Variants in EXOC4 observed in about 807,000 individuals in gnomAD.
The protein encoded by EXOC4 is exocyst complex component 4.
In EXOC4, 71 loss-of-function variants were observed where a neutral mutation model predicts 107.2. The observed-to-expected ratio is 0.66, with a 90% CI of 0.55 to 0.81. The LOEUF is 0.81. EXOC4 is among the 30% of genes least tolerant of loss of function. EXOC4 has a pLI of 0.00. For missense variants in EXOC4, 1,108 were observed against 1,189.6 expected, an observed-to-expected ratio of 0.93 and a Z score of 1.01; for synonymous variants, 456 against 441.2, an observed-to-expected ratio of 1.03 and a Z score of -0.42.
intron 9 of EXOC4, among the ~76,000 whole-genome samples, chr7:133,509,276 A>C (rs1159276465): frequency 6.6e-6 from 1 of 152,044 alleles, no homozygotes; most frequent in South Asian, 2.1e-4. Context: ...AAAATACAAA[A>C]AATTAGCCGG....
chr7:133,946,028 G>A (rs74378966), intron 14 of EXOC4, among the ~76,000 whole-genome samples: 2,455 of 152,224 alleles, frequency 0.016, 73 homozygotes, highest in African/African-American at 0.055. Flanking sequence ...AACTCTATGC[G>A]TGGTAATTCC....
At chr7:133,440,584 A>C (rs1346499829) in intron 7 of EXOC4, among the ~76,000 whole-genome samples, 2 of 152,188 alleles carry the variant, frequency 1.3e-5, no homozygotes, top group Non-Finnish European at 2.9e-5. Context: ...ATCAGAGGTC[A>C]GCACAAGATA....
chr7:133,876,141 T>C (rs2116419846), intron 11 of EXOC4, among the ~76,000 whole-genome samples: 1 of 152,264 alleles, frequency 6.6e-6, no homozygotes, highest in Middle Eastern at 3.4e-3. Flanking sequence ...ATATGGCTTC[T>C]TGCTATTAAT....
intron 11 of EXOC4, among the ~76,000 whole-genome samples, chr7:133,865,640 A>G (rs993562620): frequency 5.9e-5 from 9 of 152,204 alleles, no homozygotes; most frequent in African/African-American, 2.2e-4. Context: ...TACAGGAAGC[A>G]TGTCTGGGAG....
intron 5 of EXOC4, among the ~76,000 whole-genome samples, chr7:133,346,993 T>A (rs946344801): frequency 6.6e-6 from 1 of 152,154 alleles, no homozygotes; most frequent in Non-Finnish European, 1.5e-5. Flanking sequence ...GTATGTGTGG[T>A]ATGGCATATA....
At chr7:133,709,209 G>T (rs1359715297) in intron 10 of EXOC4, among the ~76,000 whole-genome samples, 1 of 152,200 alleles carries the variant, frequency 6.6e-6, no homozygotes, top group Non-Finnish European at 1.5e-5. Context: ...TTATCACTAG[G>T]CTGTGTCTGC....
the EXOC4 span, among the ~76,000 whole-genome samples, chr7:134,085,110 T>C: frequency 6.6e-6 from 1 of 152,164 alleles, no homozygotes; most frequent in African/African-American, 2.4e-5. Context: ...AATTAGGTTT[T>C]TAATCTTGTC....
intron 10 of EXOC4, among the ~76,000 whole-genome samples, chr7:133,704,199 C>T (rs773608025): frequency 6.6e-6 from 1 of 152,204 alleles, no homozygotes; most frequent in Admixed American, 6.5e-5. Context: ...GTGATCCTCC[C>T]GTCTTCTCCC....
At chr7:133,969,066 C>G (rs1801140007) in intron 14 of EXOC4, among the ~76,000 whole-genome samples, 1 of 152,102 alleles carries the variant, frequency 6.6e-6, no homozygotes, top group Non-Finnish European at 1.5e-5. Flanking sequence ...CTAATCTTGG[C>G]TTCACGCTTT....
At chr7:133,264,323 A>G (rs987317658) in intron 1 of EXOC4, among the ~76,000 whole-genome samples, 5 of 152,234 alleles carry the variant, frequency 3.3e-5, no homozygotes, top group African/African-American at 9.6e-5. Context: ...CAAGACACCA[A>G]TGAATTTTCA....
At chr7:133,709,934 G>C (rs1057342887) in intron 10 of EXOC4, among the ~76,000 whole-genome samples, 2 of 152,042 alleles carry the variant, frequency 1.3e-5, no homozygotes, top group Non-Finnish European at 2.9e-5. Context: ...TATTGCTGTA[G>C]TTATTATTAC....
chr7:133,568,151 C>G (rs1271566732), intron 9 of EXOC4, among the ~76,000 whole-genome samples: 1 of 152,010 alleles, frequency 6.6e-6, no homozygotes, highest in Admixed American at 6.6e-5. Flanking sequence ...TATTGAAGAA[C>G]TTTTTATATT....
chr7:133,464,481 C>G (rs1185707799), intron 7 of EXOC4, among the ~76,000 whole-genome samples: 6 of 152,102 alleles, frequency 3.9e-5, no homozygotes, highest in African/African-American at 1.4e-4. Context: ...ATGTGCAGAC[C>G]AGTCTTCCCA....
chr7:133,530,867 G>C (rs1800169211), intron 9 of EXOC4, among the ~76,000 whole-genome samples: 1 of 152,188 alleles, frequency 6.6e-6, no homozygotes, highest in Non-Finnish European at 1.5e-5. Flanking sequence ...TTCATGCCAA[G>C]GCATCTGTGA....
At chr7:133,429,612 C>T (rs905574619) in intron 7 of EXOC4, among the ~76,000 whole-genome samples, 1 of 152,206 alleles carries the variant, frequency 6.6e-6, no homozygotes, top group Non-Finnish European at 1.5e-5. Context: ...ACTCCCATTC[C>T]TGCTTCTCTT....
rs569965460 is a variant in EXOC4 at position 133,955,744 on chromosome 7, C to T, written c.2206+17675C>T. 4.6e-5 allele frequency among the ~76,000 whole-genome samples: 7 copies of T among 152,376 alleles called. No individual in the cohort carries two copies. In the South Asian group the frequency reaches 1.5e-3, roughly 32 times the overall value. The stretch of plus-strand genomic sequence containing the variant: ...CTGCACCATGCTGCCCTCAGCACCC[C>T]ATCTGCCTCCCTCCTGACAAGCCAG... On this transcript the variant is annotated intron_variant, in intron 14 of 17. Transcript: ENST00000253861.
intron 1 of EXOC4, among the ~76,000 whole-genome samples, chr7:133,265,121 A>G (rs1793694261): frequency 6.6e-6 from 1 of 152,140 alleles, no homozygotes; most frequent in South Asian, 2.1e-4. Context: ...TTGCATCGGG[A>G]TGAGTAGCAA....
At chr7:133,469,672 C>T (rs1424580) in intron 7 of EXOC4, among the ~76,000 whole-genome samples, 129,410 of 152,220 alleles carry the variant, frequency 0.85, 55,354 homozygotes, top group East Asian at 0.95. Context: ...TAAAGACATA[C>T]TGCAAACTCA....
chr7:133,276,434 A>T (rs1183700480), intron 2 of EXOC4, among the ~76,000 whole-genome samples: 1 of 152,166 alleles, frequency 6.6e-6, no homozygotes, highest in East Asian at 1.9e-4. Context: ...TTTGCAAGGG[A>T]TGATTATGTC....
Sources: allele counts gnomAD v4.1 joint callset (sites outside exome capture counted in the v4.1 genomes callset), GRCh38; gene constraint gnomAD v4.1.1; transcripts MANE v1.5; gene names NCBI Gene and HGNC (gene_info 2026-07-23, HGNC 2026-07-21).